The following ADAMTS2 variants were observed in gnomAD, a reference collection of about 807,000 sequenced individuals.
The protein encoded by ADAMTS2 is A disintegrin and metalloproteinase with thrombospondin motifs 2.
ADAMTS2 carries 50 observed loss-of-function variants against 123.0 expected under a neutral mutation model. The observed-to-expected ratio is 0.41, with a 90% CI of 0.32 to 0.51. ADAMTS2 has a LOEUF of 0.51. ADAMTS2 is among the 20% of genes least tolerant of loss of function. The pLI is 0.35. For synonymous variants in ADAMTS2, 678 were observed against 695.4 expected, an observed-to-expected ratio of 0.98 and a Z score of 0.39; for missense variants, 1,494 against 1,705.2, an observed-to-expected ratio of 0.88 and a Z score of 2.18.
intron 3 of ADAMTS2, among the ~76,000 whole-genome samples, chr5:179,215,219 C>A (rs774100822): frequency 5.9e-5 from 9 of 152,098 alleles, no homozygotes; most frequent in Admixed American, 2.0e-4. Context: ...GAGGCCGAGG[C>A]GGGTGGATCA....
intron 2 of ADAMTS2, among the ~76,000 whole-genome samples, chr5:179,333,109 C>T (rs1050226922): frequency 2.6e-5 from 4 of 152,186 alleles, no homozygotes; most frequent in African/African-American, 9.7e-5. Context: ...AGCAGAGGGC[C>T]AGGAGCCGAC....
At chr5:179,243,330 A>C (rs1205197129) in intron 3 of ADAMTS2, among the ~76,000 whole-genome samples, 2 of 152,186 alleles carry the variant, frequency 1.3e-5, no homozygotes, top group Non-Finnish European at 2.9e-5. Context: ...TCAATTAGTG[A>C]AGCCTAGTAG....
Position 179,125,109 on chromosome 5 carries a change from C to G in ADAMTS2, c.2822G>C (p.Arg941Pro). ...GTTGTCGTGTAGCGGCTGAATGCAG[C>G]GCACGGAGCGCACCTGCATGCCTGT... Reference protein sequence around the residue: ...GRTGMQVRSVRCIQPLHDNTT... With the variant: ...GRTGMQVRSVPCIQPLHDNTT... Residue 941 changes from arginine (R) to proline (P), a missense_variant, in exon 19 of 22, where the codon CGC becomes CCC. Coordinates refer to ENST00000251582, the MANE Select transcript of ADAMTS2 (RefSeq NM_014244.5). The G allele has an allele frequency of 6.2e-7, 1 of 1,612,926 alleles. No homozygotes were observed. The highest frequency in any genetic ancestry group is 8.5e-7 in the Non-Finnish European group (1 of 1,179,896).
At chr5:179,274,748 C>T (rs925784917) in intron 2 of ADAMTS2, among the ~76,000 whole-genome samples, 16 of 152,212 alleles carry the variant, frequency 1.1e-4, no homozygotes, top group African/African-American at 3.1e-4. Flanking sequence ...TCAAGTGTAG[C>T]GAGGGAGGCT....
At chr5:179,250,114 A>G (rs1000701289) in intron 3 of ADAMTS2, among the ~76,000 whole-genome samples, 2 of 152,234 alleles carry the variant, frequency 1.3e-5, no homozygotes, top group Non-Finnish European at 2.9e-5. Flanking sequence ...TGGTTGATGC[A>G]GAGAAAGCAT....
At chr5:179,148,012 C>T (rs1343463391) in intron 10 of ADAMTS2, among the ~76,000 whole-genome samples, 1 of 152,168 alleles carries the variant, frequency 6.6e-6, no homozygotes, top group Non-Finnish European at 1.5e-5. Flanking sequence ...GCGTAAGCAT[C>T]ATGAGCTTCA....
At chr5:179,311,516 G>C (rs918881251) in intron 2 of ADAMTS2, among the ~76,000 whole-genome samples, 1 of 152,192 alleles carries the variant, frequency 6.6e-6, no homozygotes, top group Non-Finnish European at 1.5e-5. Context: ...TCCAGCTCCT[G>C]AACCTTCTCC....
rs1756444317 is a variant in ADAMTS2 at position 179,299,456 on chromosome 5, G to C, written c.535-26392C>G. 1.4e-5 allele frequency among the ~76,000 whole-genome samples: 2 copies of C among 140,522 alleles called. 1 individual carries two copies. Among genetic ancestry groups the C allele is most frequent in the African/African-American group, 5.4e-5 (2 of 37,338 alleles). The allele number at this position is 140,522 out of a possible 152,430, so 92.2% of individuals were successfully genotyped here. A position where few individuals can be genotyped will look rare whatever the true frequency, so the allele number is the denominator to read the frequency against. On this transcript the variant is annotated intron_variant, in intron 2 of 21. Coordinates refer to ENST00000251582, the MANE Select transcript of ADAMTS2 (RefSeq NM_014244.5). ...AGGCAGGAGAATGGTGTGAACCCAG[G>C]AGGCGGAGCTTGCAGTGAGCCAAGA... is the stretch of plus-strand genomic sequence containing the variant.
At chr5:179,146,542 C>T (rs1763252549) in intron 10 of ADAMTS2, among the ~76,000 whole-genome samples, 1 of 152,318 alleles carries the variant, frequency 6.6e-6, no homozygotes, top group South Asian at 2.1e-4. Flanking sequence ...ATGTTGTCAA[C>T]ATTTCATGGC....
At chr5:179,335,966 C>T (rs562082163) in intron 2 of ADAMTS2, among the ~76,000 whole-genome samples, 4 of 152,316 alleles carry the variant, frequency 2.6e-5, no homozygotes, top group East Asian at 1.9e-4. Flanking sequence ...GAAAAATACC[C>T]GGGTGTAAAG....
rs11745264 is a variant in ADAMTS2 at position 179,314,382 on chromosome 5, G to A, written c.534+29385C>T. On this transcript the variant is annotated intron_variant, in intron 2 of 21. Coordinates refer to ENST00000251582, the MANE Select transcript of ADAMTS2 (RefSeq NM_014244.5). This position sits in a 1 kb window ranked among gnomAD's most constrained non-coding sequence, Gnocchi z 4.5. ...CTCTGAGCTAAGTGAGCGCAGAGGA[G>A]AGTGCAGGGAGCGGCAAGGCCAGGC... 0.043 allele frequency among the ~76,000 whole-genome samples: 6,622 copies of A among 152,280 alleles called. 153 individuals are homozygous for A. The highest frequency in any genetic ancestry group is 0.059 in the South Asian group (283 of 4,824).
chr5:179,118,020 C>CCCATTGAG lies in ADAMTS2; in HGVS notation c.3178+3633_3178+3640dup, dbSNP rs1441707033. Among the ~76,000 whole-genome samples, 9 of 152,152 alleles carry CCCATTGAG rather than the reference C, an allele frequency of 5.9e-5. No homozygotes were observed. Among genetic ancestry groups the CCCATTGAG allele is most frequent in the Admixed American group, 3.3e-4 (5 of 15,268 alleles). On this transcript the variant is annotated intron_variant, in intron 21 of 21. Coordinates refer to ENST00000251582, the MANE Select transcript of ADAMTS2 (RefSeq NM_014244.5). This position sits in a 1 kb window ranked among gnomAD's most constrained non-coding sequence, Gnocchi z 4.5. ...TGCACGAGAAAGTGCTCCATAAATG[C>CCCATTGAG]CCATTGAGTGAGGGGTGGCAGCCCC...
At chr5:179,196,492 C>T (rs1182300969) in intron 4 of ADAMTS2, among the ~76,000 whole-genome samples, 2 of 152,226 alleles carry the variant, frequency 1.3e-5, no homozygotes, top group African/African-American at 4.8e-5. Flanking sequence ...GCTCCTCCTG[C>T]TCTGCCGTTC....
rs766704179 is a variant in ADAMTS2, at chr5:179,132,931, G to A, written c.2086-31C>T. 5 of 1,610,614 alleles carry A rather than the reference G, an allele frequency of 3.1e-6. No individual in the cohort carries two copies. The South Asian group carries it at 3.3e-5, about 11-fold the overall frequency. On this transcript the variant is annotated intron_variant, in intron 13 of 21. Coordinates refer to ENST00000251582, the MANE Select transcript of ADAMTS2 (RefSeq NM_014244.5). The surrounding 1 kb of genome is among the most constrained non-coding windows in gnomAD (Gnocchi z 6.1). The stretch of plus-strand genomic sequence containing the variant: ...GGGGGAGGAGGCAGTGAGCACTTGA[G>A]ACGTCCTGCTAGTAGAGTCAGGGTC...
At position 179,115,227 on chromosome 5, in the gene ADAMTS2, G is replaced by T. The variant is rs74327754; in HGVS notation, c.3179-903C>A. Among the ~76,000 whole-genome samples, 781 of 151,962 alleles carry T rather than the reference G, an allele frequency of 5.1e-3. 10 individuals carry two copies. The highest frequency in any genetic ancestry group is 0.018 in the African/African-American group (727 of 41,420). ...AGCCATCTTCTCCCTGGCCCATCTC[G>T]ACCTCTGTCTGCGGCTATGTTCATT... On this transcript the variant is annotated intron_variant, in intron 21 of 21. Transcript: ENST00000251582. The surrounding 1 kb of genome is among the most constrained non-coding windows in gnomAD (Gnocchi z 4.4).
chr5:179,198,166 G>A (rs897727844), intron 4 of ADAMTS2, among the ~76,000 whole-genome samples: 4 of 152,214 alleles, frequency 2.6e-5, no homozygotes, highest in African/African-American at 9.6e-5. Context: ...CCTGGGCAGA[G>A]GAGAGCCCCT....
chr5:179,219,752 C>A (rs904951889), intron 3 of ADAMTS2, among the ~76,000 whole-genome samples: 1 of 152,262 alleles, frequency 6.6e-6, no homozygotes, highest in East Asian at 1.9e-4. Flanking sequence ...CAGAGGTTCC[C>A]AAACACAACT....
chr5:179,193,399 C>T (rs1420020570), intron 4 of ADAMTS2, among the ~76,000 whole-genome samples: 1 of 152,146 alleles, frequency 6.6e-6, no homozygotes, highest in Non-Finnish European at 1.5e-5. Context: ...GTGAGGAAGC[C>T]GAGGCACAGA....
intron 3 of ADAMTS2, among the ~76,000 whole-genome samples, chr5:179,213,286 C>G (rs1170445520): frequency 2.0e-5 from 3 of 152,228 alleles, no homozygotes; most frequent in East Asian, 1.9e-4. Context: ...CCTGATTTCT[C>G]CCGACAGCAC....
Sources: allele counts gnomAD v4.1 joint callset (sites outside exome capture counted in the v4.1 genomes callset), GRCh38; gene constraint gnomAD v4.1.1; non-coding constraint Gnocchi (gnomAD v3.1); transcripts MANE v1.5; gene names NCBI Gene and HGNC (gene_info 2026-07-23, HGNC 2026-07-21).